The following ABCA3 variants were observed in gnomAD, a reference collection of about 807,000 sequenced individuals.
The protein encoded by ABCA3 is phospholipid-transporting ATPase ABCA3.
ABCA3 carries 88 observed loss-of-function variants against 172.8 expected under a neutral mutation model. The observed-to-expected ratio is 0.51, with a 90% CI of 0.43 to 0.61. The LOEUF (loss-of-function observed/expected upper bound fraction) is 0.61. Among genes scored for constraint, ABCA3 ranks in the 20% least tolerant of loss-of-function variants. ABCA3 has a pLI of 0.00. For missense variants in ABCA3, 2,164 were observed against 2,301.0 expected (o/e 0.94, Z 1.22); for synonymous variants, 1,066 against 983.8 (o/e 1.08, Z -1.56).
chr16:2,292,602 A>AAAAT (rs1010859855), intron 18 of ABCA3, among the ~76,000 whole-genome samples: 2 of 151,918 alleles, frequency 1.3e-5, no homozygotes, highest in African/African-American at 4.8e-5. Flanking sequence ...CTGTCTCAAA[A>AAAAT]AAATAAATAA....
Position 2,297,946 on chromosome 16 carries a change from G to A in ABCA3, c.1897-25C>T. Reference sequence around the variant, plus strand: ...GCTGCAACGACAGGGGACGCAGGGAGATGCAGGGCTCCTGGCGGGAGGCCG... The same window carrying A: ...GCTGCAACGACAGGGGACGCAGGGAAATGCAGGGCTCCTGGCGGGAGGCCG... On this transcript the variant is annotated intron_variant, in intron 15 of 32. Transcript: ENST00000301732. The surrounding 1 kb of genome is among the most constrained non-coding windows in gnomAD (Gnocchi z 5.6). 1 of 1,612,858 alleles carries A rather than the reference G, an allele frequency of 6.2e-7. No individual in the cohort carries two copies. Among genetic ancestry groups the A allele is most frequent in the Non-Finnish European group, 8.5e-7 (1 of 1,179,962 alleles).
At chr16:2,295,530 T>A in intron 18 of ABCA3, 60 bp downstream of exon 18, 1 of 1,601,982 alleles carries the variant, frequency 6.2e-7, no homozygotes. Context: ...AAAGCCCTCA[T>A]GGCCCATGGG....
Position 2,307,637 on chromosome 16 carries a change from G to C in ABCA3, c.1285+813C>G, listed in dbSNP as rs189119160. 1.7e-4 allele frequency among the ~76,000 whole-genome samples: 26 copies of C among 152,234 alleles called. No individual in the cohort carries two copies. In the East Asian group the frequency reaches 4.8e-3, roughly 28 times the overall value. On this transcript the variant is annotated intron_variant, in intron 11 of 32. Coordinates refer to ENST00000301732, the MANE Select transcript of ABCA3 (RefSeq NM_001089.3). ...TTTTATTTTATTTTTTTGAGACGGA[G>C]TCTTGTCACCCAGGCTGGAGTGCAG... is the stretch of plus-strand genomic sequence containing the variant.
chr16:2,288,138 G>A lies in ABCA3; in HGVS notation c.2892C>T (p.Gly964=). The change falls in exon 21 of 33, where the codon GGC becomes GGT. Residue 964 remains glycine, a synonymous_variant. Transcript: ENST00000301732. ...GAACTGAGAAGGGCACGACGGTTCT[G>A]CCGTACTCGCCCAAGGTCAGCCTCA... ...PMLRLTLGEY[G]RTVVPFSVPG... is the part of the protein sequence containing the mutation. 6.2e-7 allele frequency: 1 copy of A among 1,612,152 alleles called. No homozygotes were observed. The highest frequency in any genetic ancestry group is 8.5e-7 in the Non-Finnish European group (1 of 1,179,228).
Position 2,297,648 on chromosome 16 carries a change from C to T in ABCA3, c.2053-109G>A. 2 of 1,589,162 alleles carry T rather than the reference C, an allele frequency of 1.3e-6. No homozygotes were observed. Among genetic ancestry groups the T allele is most frequent in the South Asian group, 2.2e-5 (2 of 90,232 alleles). Reference sequence around the variant, plus strand: ...GTTCGCGGAGCCGGCTTGAGTCCTCCAAGGATGGTGATGGCCTTGTCTGGG... The same window carrying T: ...GTTCGCGGAGCCGGCTTGAGTCCTCTAAGGATGGTGATGGCCTTGTCTGGG... On this transcript the variant is annotated intron_variant, in intron 16 of 32. Coordinates refer to ENST00000301732, the MANE Select transcript of ABCA3 (RefSeq NM_001089.3). The surrounding 1 kb of genome is among the most constrained non-coding windows in gnomAD (Gnocchi z 5.6).
rs1283548339 is a variant in ABCA3, at chr16:2,278,311, C to G, written c.4695G>C (p.Lys1565Asn). The G allele has an allele frequency of 6.2e-7, 1 of 1,609,724 alleles. No homozygotes were observed. The highest frequency in any genetic ancestry group is 1.3e-5 in the African/African-American group (1 of 75,058). The change falls in exon 30 of 33, where the codon AAG becomes AAC. Residue 1565 changes from lysine (K) to asparagine (N), a missense_variant. Physicochemically the swap from Lys to Asn is moderately conservative, Grantham distance 94. Coordinates refer to ENST00000301732, the MANE Select transcript of ABCA3 (RefSeq NM_001089.3). The surrounding 1 kb of genome is among the most constrained non-coding windows in gnomAD (Gnocchi z 4.4). ...ACCTGTGGGAGGTGATGATGATGGC[C>G]TTGCCAGACTCTCGGGCTCGTGCCA... Reference protein sequence around the residue: ...DTVARARESGKAIIITSHSME... With the variant: ...DTVARARESGNAIIITSHSME...
At position 2,281,586 on chromosome 16, in the gene ABCA3, T is replaced by C; in HGVS notation, c.4036-77A>G. The C allele has an allele frequency of 7.7e-6, 4 of 519,430 alleles. No individual in the cohort carries two copies. Among genetic ancestry groups the C allele is most frequent in the Non-Finnish European group, 1.5e-5 (4 of 275,136 alleles). 32.2% of individuals were successfully genotyped at this position (519,430 alleles called of 1,614,324 possible). The stretch of plus-strand genomic sequence containing the variant: ...TCCGTGGAGAAGGGAGGGGCGGGGG[T>C]GGATGTGGGAGGTCTGGTGGGACTA... On this transcript the variant is annotated intron_variant, in intron 26 of 32. Coordinates refer to ENST00000301732, the MANE Select transcript of ABCA3 (RefSeq NM_001089.3). This position sits in a 1 kb window ranked among gnomAD's most constrained non-coding sequence, Gnocchi z 4.7.
chr16:2,310,333 G>A (rs60048200), intron 10 of ABCA3, among the ~76,000 whole-genome samples: 3 of 151,642 alleles, frequency 2.0e-5, no homozygotes, highest in South Asian at 2.1e-4. Context: ...GCTTGAACCC[G>A]GGAGGTGGAG....
At chr16:2,326,572 C>A (rs577490673) in intron 3 of ABCA3, 80 bp from the exon 4 acceptor site, 10 of 1,408,084 alleles carry the variant, frequency 7.1e-6, no homozygotes, top group African/African-American at 1.4e-5. Flanking sequence ...AGCCATGGAC[C>A]CTTTTTCCTC....
chr16:2,329,358 G>T (rs754825358), intron 2 of ABCA3, among the ~76,000 whole-genome samples: 1 of 152,164 alleles, frequency 6.6e-6, no homozygotes, highest in Non-Finnish European at 1.5e-5. Flanking sequence ...AGAAGAGGCC[G>T]GTGCCTCCAT....
At position 2,278,047 on chromosome 16, in the gene ABCA3, A is replaced by G. The variant is rs1437092269; in HGVS notation, c.4741T>C (p.Cys1581Arg). The G allele has an allele frequency of 6.2e-7, 1 of 1,613,304 alleles. No homozygotes were observed. The highest frequency in any genetic ancestry group is 1.3e-5 in the African/African-American group (1 of 74,930). ...TGCACCATGATGGCCAGCCGGGTGCACAGGGCCTCACACTCCTCCATGCTG... is the reference window on the plus strand; with the variant it reads ...TGCACCATGATGGCCAGCCGGGTGCGCAGGGCCTCACACTCCTCCATGCTG... ...SHSMEECEALCTRLAIMVQGQ... is the reference protein window; with the variant it reads ...SHSMEECEALRTRLAIMVQGQ... Residue 1581 changes from cysteine (C) to arginine (R), a missense_variant, in exon 31 of 33, where the codon TGC (cysteine) becomes CGC (arginine). Cys to Arg is a radical substitution (Grantham distance 180). Around this residue, in one of 3 missense-constraint regions of ABCA3, gnomAD observed 795 missense variants for 881.9 expected, o/e 0.90. Coordinates refer to ENST00000301732, the MANE Select transcript of ABCA3 (RefSeq NM_001089.3). This position sits in a 1 kb window ranked among gnomAD's most constrained non-coding sequence, Gnocchi z 4.4.
At position 2,328,570 on chromosome 16, in the gene ABCA3, C is replaced by G. The variant is rs1240747340; in HGVS notation, c.-144G>C. On this transcript the variant is annotated 5_prime_UTR_variant, in exon 3 of 33. Transcript: ENST00000301732. ...AGGGCGAGGTGTGCAGACGTGGCTG[C>G]TCTGTCCTGGAGAGGCAGGGAAGGC... is the stretch of plus-strand genomic sequence containing the variant. The G allele has an allele frequency of 7.8e-6, 4 of 515,648 alleles. No homozygotes were observed. The highest frequency in any genetic ancestry group is 3.9e-6 in the Non-Finnish European group (1 of 258,606). 31.9% of individuals were successfully genotyped at this position (515,648 alleles called of 1,614,324 possible). A position where few individuals can be genotyped will look rare whatever the true frequency, so the allele number is the denominator to read the frequency against.
chr16:2,277,720 G>A lies in ABCA3; in HGVS notation c.4910-50C>T. On this transcript the variant is annotated intron_variant, in intron 31 of 32. Coordinates refer to ENST00000301732, the MANE Select transcript of ABCA3 (RefSeq NM_001089.3). This position sits in a 1 kb window ranked among gnomAD's most constrained non-coding sequence, Gnocchi z 5.3. The stretch of plus-strand genomic sequence containing the variant: ...CTGTGAGCGCCGGGCTGGAGGATCG[G>A]GGAGGGTGCCTGGGTGCTCAGCACT... 6.2e-7 allele frequency: 1 copy of A among 1,609,598 alleles called. No individual in the cohort carries two copies. The highest frequency in any genetic ancestry group is 8.5e-7 in the Non-Finnish European group (1 of 1,178,022).
chr16:2,304,702 G>GTC (rs2093694853), intron 11 of ABCA3, among the ~76,000 whole-genome samples: 1 of 144,198 alleles, frequency 6.9e-6, no homozygotes, highest in Admixed American at 7.4e-5. Context: ...TTGAGATGGA[G>GTC]TCTTGCTCTG....
chr16:2,303,856 C>A, intron 12 of ABCA3, 113 bp downstream of exon 12: 1 of 1,239,048 alleles, frequency 8.1e-7, no homozygotes, highest in Non-Finnish European at 1.2e-6. Flanking sequence ...TTCTGTGTGC[C>A]AGCCCCACGC....
intron 12 of ABCA3, among the ~76,000 whole-genome samples, chr16:2,303,334 T>A (rs1196834376): frequency 6.6e-6 from 1 of 150,840 alleles, no homozygotes; most frequent in African/African-American, 2.4e-5. Flanking sequence ...CGATCTTGGC[T>A]CACTGCAAGC....
intron 7 of ABCA3, chr16:2,323,237 G>T: frequency 2.0e-6 from 1 of 512,158 alleles, no homozygotes; most frequent in East Asian, 3.5e-5. Context: ...CATTGTGGAA[G>T]TCAGTGTGGC....
rs140860727 is a variant in ABCA3, at chr16:2,323,662, G to A, written c.474C>T (p.Tyr158=). The A allele has an allele frequency of 1.4e-5, 23 of 1,614,094 alleles. No individual in the cohort carries two copies. The highest frequency in any genetic ancestry group is 1.9e-5 in the Non-Finnish European group (23 of 1,180,056). Reference sequence around the variant, plus strand: ...GGGTCCACATGTAATTTCTCCGTGTGTAACTGAACCGTAGGTGATATTTCA... The same window carrying A: ...GGGTCCACATGTAATTTCTCCGTGTATAACTGAACCGTAGGTGATATTTCA... ...LAVKYHLRFS[Y]TRRNYMWTQT... Residue 158 remains tyrosine, a synonymous_variant, in exon 7 of 33, where the codon TAC becomes TAT. Coordinates refer to ENST00000301732, the MANE Select transcript of ABCA3 (RefSeq NM_001089.3).
At chr16:2,289,404 C>CCCCCCCCCCCCCCCCCCCCCGG in intron 20 of ABCA3, 30 bp downstream of exon 20, 1 of 1,555,376 alleles carries the variant, frequency 6.4e-7, no homozygotes, top group Non-Finnish European at 8.7e-7. Flanking sequence ...GCCCTTCCCC[C>CCCCCCCCCCCCCCCCCCCCCGG]GCCACCCGCC....
Sources: gnomAD v4.1 joint callset for allele counts (sites outside exome capture counted in the v4.1 genomes callset) on GRCh38, gnomAD v4.1.1 for gene constraint, gnomAD v4.1.1 regional missense constraint, Gnocchi (gnomAD v3.1) non-coding constraint, MANE v1.5 for transcripts, NCBI Gene and HGNC (gene_info 2026-07-23, HGNC 2026-07-21) for gene names.